Variants in TRPM4 observed in about 807,000 individuals in gnomAD.
TRPM4 encodes calcium-activated non-selective cation channel 1.
A neutral mutation model predicts 135.6 loss-of-function variants in TRPM4; 124 were observed. That is an observed-to-expected ratio of 0.91 (90% CI 0.79 to 1.06). The LOEUF is 1.06. TRPM4 is among the 50% of genes least tolerant of loss of function. The pLI, the probability that TRPM4 is intolerant of heterozygous loss-of-function variation, is 0.00. For missense variants in TRPM4, 1,658 were observed against 1,671.4 expected (o/e 0.99, Z 0.14); for synonymous variants, 745 against 705.6 (o/e 1.06, Z -0.88).
At chr19:49,197,153 A>G (rs1968687164) in intron 17 of TRPM4, among the ~76,000 whole-genome samples, 3 of 152,160 alleles carry the variant, frequency 2.0e-5, no homozygotes, top group Admixed American at 2.0e-4. Flanking sequence ...CTGAAGTTTA[A>G]CAGATATTTA....
chr19:49,211,615 TC>T lies in TRPM4; in HGVS notation c.*119del. The T allele has an allele frequency of 7.4e-7, 1 of 1,343,374 alleles. No individual in the cohort carries two copies. The highest frequency in any genetic ancestry group is 1.1e-6 in the Non-Finnish European group (1 of 940,370). The allele number at this position is 1,343,374 out of a possible 1,614,324, so 83.2% of individuals were successfully genotyped here. ...CCTTGTCCTTGAGGTGAGCCCCATG[TC>T]CATCTGGGCCACTGTCAGGACCACC... On this transcript the variant is annotated 3_prime_UTR_variant, in exon 25 of 25. Coordinates refer to ENST00000252826, the MANE Select transcript of TRPM4 (RefSeq NM_017636.4). The surrounding 1 kb of genome is among the most constrained non-coding windows in gnomAD (Gnocchi z 4.8).
At chr19:49,185,758 T>C (rs1043847053) in intron 12 of TRPM4, among the ~76,000 whole-genome samples, 17 of 151,786 alleles carry the variant, frequency 1.1e-4, no homozygotes, top group Non-Finnish European at 1.9e-4. Context: ...TTCTTTTTTT[T>C]GGGGGGAGGG....
intron 17 of TRPM4, 26 bp from the exon 18 acceptor site, chr19:49,200,274 C>A: frequency 6.2e-7 from 1 of 1,614,056 alleles, no homozygotes; most frequent in Non-Finnish European, 8.5e-7. Flanking sequence ...GACACTTGAC[C>A]CTTGTGGCAT....
At chr19:49,198,008 A>G (rs535973229) in intron 17 of TRPM4, among the ~76,000 whole-genome samples, 150 of 152,190 alleles carry the variant, frequency 9.9e-4, no homozygotes, top group African/African-American at 2.9e-3. Context: ...GTGACTGTTT[A>G]CAAGGGACCT....
rs906300951 is a variant in TRPM4, at chr19:49,158,222, A to G, written c.55A>G (p.Thr19Ala). ...SWIPKIFKKK[T>A]CTTFIVDSTD... Reference sequence around the variant, plus strand: ...GATCCCCAAGATCTTCAAGAAGAAGACCTGCACGACGTTCATAGTTGACTC... The same window carrying G: ...GATCCCCAAGATCTTCAAGAAGAAGGCCTGCACGACGTTCATAGTTGACTC... The change falls in exon 2 of 25, where the codon ACC (threonine) becomes GCC (alanine). Residue 19 changes from threonine to alanine, a missense_variant. Thr to Ala is a moderately conservative substitution (Grantham distance 58). Around this residue, in one of 3 missense-constraint regions of TRPM4, gnomAD observed 239 missense variants for 240.1 expected, o/e 1.00. Coordinates refer to ENST00000252826, the MANE Select transcript of TRPM4 (RefSeq NM_017636.4). The G allele has an allele frequency of 6.2e-7, 1 of 1,613,694 alleles. No individual in the cohort carries two copies. Among genetic ancestry groups the G allele is most frequent in the Non-Finnish European group, 8.5e-7 (1 of 1,179,922 alleles).
At chr19:49,159,776 C>T (rs1966895862) in intron 2 of TRPM4, 1 of 152,260 alleles carries the variant, frequency 6.6e-6, no homozygotes, top group African/African-American at 2.4e-5. Flanking sequence ...AGCCACCGCG[C>T]CCAGCCCTCT....
chr19:49,209,230 C>T (rs1390302180), intron 20 of TRPM4, among the ~76,000 whole-genome samples: 1 of 152,066 alleles, frequency 6.6e-6, no homozygotes, highest in Non-Finnish European at 1.5e-5. Flanking sequence ...CTGTAATTTT[C>T]TTGTGATATC....
chr19:49,194,511 C>T (rs2123026955), intron 16 of TRPM4, among the ~76,000 whole-genome samples: 1 of 152,210 alleles, frequency 6.6e-6, no homozygotes, highest in African/African-American at 2.4e-5. Context: ...TCCCAAAGTG[C>T]TGGGATTACA....
At chr19:49,191,325 T>C (rs918755018) in intron 16 of TRPM4, among the ~76,000 whole-genome samples, 5 of 151,632 alleles carry the variant, frequency 3.3e-5, no homozygotes, top group African/African-American at 9.7e-5. Flanking sequence ...TGCCTCAGCC[T>C]CCCAAGTAGG....
At position 49,202,881 on chromosome 19, in the gene TRPM4, C is replaced by CTTTTT. The variant is rs752188238; in HGVS notation, c.3131+757_3131+761dup. Among the ~76,000 whole-genome samples, 55 of 109,604 alleles carry CTTTTT rather than the reference C, an allele frequency of 5.0e-4. 1 individual carries two copies. The highest frequency in any genetic ancestry group is 1.5e-3 in the African/African-American group (40 of 26,382). 71.9% of individuals were successfully genotyped at this position (109,604 alleles called of 152,430 possible). A position where few individuals can be genotyped will look rare whatever the true frequency, so the allele number is the denominator to read the frequency against. ...TATATAAAATTTTCCATTTTTACTT[C>CTTTTT]TTTTTTTTTTTTTTTTTTTTTGACG... On this transcript the variant is annotated intron_variant, in intron 20 of 24. Coordinates refer to ENST00000252826, the MANE Select transcript of TRPM4 (RefSeq NM_017636.4).
intron 20 of TRPM4, among the ~76,000 whole-genome samples, chr19:49,205,526 C>A (rs889631758): frequency 3.9e-5 from 5 of 126,984 alleles, no homozygotes; most frequent in South Asian, 2.6e-4. Flanking sequence ...ATGACTTCAA[C>A]TTTTTTTTTT....
chr19:49,181,325 C>T, intron 9 of TRPM4, 24 bp from the exon 10 acceptor site: 2 of 1,568,440 alleles, frequency 1.3e-6, no homozygotes, highest in Non-Finnish European at 1.8e-6. Context: ...GACTTCTTGT[C>T]CCCTCTCCCT....
intron 16 of TRPM4, among the ~76,000 whole-genome samples, chr19:49,194,121 CTCT>C (rs1264454920): frequency 6.6e-6 from 1 of 150,924 alleles, no homozygotes; most frequent in Non-Finnish European, 1.5e-5. Context: ...CCTACTTCTC[CTCT>C]TCATCCTCCT....
At chr19:49,209,715 C>T (rs1251916452) in intron 20 of TRPM4, among the ~76,000 whole-genome samples, 2 of 149,718 alleles carry the variant, frequency 1.3e-5, no homozygotes, top group Non-Finnish European at 3.0e-5. Context: ...TGACCTCTGA[C>T]ATCTGACCCT....
At chr19:49,188,836 G>C in intron 13 of TRPM4, 66 bp downstream of exon 13, 2 of 1,612,558 alleles carry the variant, frequency 1.2e-6, no homozygotes, top group Non-Finnish European at 1.7e-6. Context: ...GTGCAACTCC[G>C]CACTCCTCAC....
chr19:49,201,679 C>T (rs1413902390), intron 19 of TRPM4, among the ~76,000 whole-genome samples: 2 of 152,222 alleles, frequency 1.3e-5, no homozygotes, highest in Non-Finnish European at 2.9e-5. Flanking sequence ...CTCACTGCAA[C>T]CTCCACCTCC....
rs1968952444 is a variant in TRPM4, at chr19:49,202,005, T to C, written c.2995T>C (p.Phe999Leu). Residue 999 changes from phenylalanine to leucine, a missense_variant, in exon 20 of 25, where the codon TTC becomes CTC. Around this residue, in one of 3 missense-constraint regions of TRPM4, gnomAD observed 1,412 missense variants for 1,408.7 expected, o/e 1.00. Coordinates refer to ENST00000252826, the MANE Select transcript of TRPM4 (RefSeq NM_017636.4). The stretch of plus-strand genomic sequence containing the variant: ...CAGCAACTGCTCGTCGGAGCCCGGC[T>C]TCTGGGCACACCCTCCTGGGGCCCA... ...EHSNCSSEPG[F>L]WAHPPGAQAG... is the part of the protein sequence containing the mutation. 1.9e-6 allele frequency: 3 copies of C among 1,613,608 alleles called. No individual in the cohort carries two copies. The highest frequency in any genetic ancestry group is 2.5e-6 in the Non-Finnish European group (3 of 1,180,048).
At chr19:49,175,067 CTTTTTT>C (rs772062913) in intron 9 of TRPM4, among the ~76,000 whole-genome samples, 74 of 77,564 alleles carry the variant, frequency 9.5e-4, no homozygotes, top group Middle Eastern at 8.9e-3. Context: ...TCATGCCTGG[CTTTTTT>C]TTTTTTTTTT....
At chr19:49,163,774 C>A (rs934238747) in intron 2 of TRPM4, among the ~76,000 whole-genome samples, 1 of 152,196 alleles carries the variant, frequency 6.6e-6, no homozygotes, top group Non-Finnish European at 1.5e-5. Context: ...GGATTGTGCC[C>A]AGCCGTCCTT....
Sources: allele counts gnomAD v4.1 joint callset (sites outside exome capture counted in the v4.1 genomes callset), GRCh38; gene constraint gnomAD v4.1.1; regional missense constraint gnomAD v4.1.1; non-coding constraint Gnocchi (gnomAD v3.1); transcripts MANE v1.5; gene names NCBI Gene and HGNC (gene_info 2026-07-23, HGNC 2026-07-21).